Variants in ZNF484 observed in about 807,000 individuals in gnomAD.
ZNF484 encodes the protein zinc finger protein 484, also known as KRAB box containing C2H2 type zinc finger bA526D8.4.
ZNF484 carries 11 observed loss-of-function variants against 12.9 expected under a neutral mutation model. The ratio of observed to expected loss-of-function variants is 0.85; its 90% CI spans 0.54 to 1.41. The LOEUF (loss-of-function observed/expected upper bound fraction) is 1.41, where lower values mean the gene tolerates loss of function less well. Among genes scored for constraint, ZNF484 ranks in the 40% most tolerant of loss-of-function variants. The pLI is 0.00. For missense variants in ZNF484, 807 were observed against 1,007.7 expected (o/e 0.80, Z 2.70); for synonymous variants, 289 against 334.1 (o/e 0.86, Z 1.47).
chr9:92,852,826 T>G (rs1856190835), intron 4 of ZNF484, among the ~76,000 whole-genome samples: 1 of 152,152 alleles, frequency 6.6e-6, no homozygotes, highest in Non-Finnish European at 1.5e-5. Context: ...CGTGAGCCAC[T>G]GTGCCCAGCC....
intron 4 of ZNF484, among the ~76,000 whole-genome samples, chr9:92,855,236 C>T (rs752006817): frequency 2.6e-5 from 4 of 152,006 alleles, no homozygotes; most frequent in Non-Finnish European, 5.9e-5. Flanking sequence ...GTCAGTGTTG[C>T]GTTGCACTAG....
chr9:92,848,523 T>C lies in ZNF484; in HGVS notation c.264A>G (p.Gln88=), dbSNP rs1855848735. 6.2e-7 allele frequency: 1 copy of C among 1,602,332 alleles called. No homozygotes were observed. The highest frequency in any genetic ancestry group is 1.1e-5 in the South Asian group (1 of 88,916). ...AAGAAACTTCTTCAGACATCCTCTG[T>C]TGTAAAGGTCCAAAACCAATGTCCC... ...PDGDIGFGPL[Q]QRMSEEVSFQ... is the part of the protein sequence containing the mutation. The change falls in exon 5 of 5, where the codon CAA becomes CAG. Residue 88 remains glutamine (Q), a synonymous_variant. Coordinates refer to ENST00000375495, the MANE Select transcript of ZNF484 (RefSeq NM_031486.4). This position sits in a 1 kb window ranked among gnomAD's most constrained non-coding sequence, Gnocchi z 4.1.
intron 2 of ZNF484, among the ~76,000 whole-genome samples, chr9:92,874,380 C>A (rs1857661088): frequency 6.6e-6 from 1 of 150,658 alleles, no homozygotes. Context: ...GGCGCAATCT[C>A]GGCTTACTGC....
chr9:92,853,171 C>G (rs1476320031), intron 4 of ZNF484, among the ~76,000 whole-genome samples: 1 of 152,104 alleles, frequency 6.6e-6, no homozygotes, highest in Non-Finnish European at 1.5e-5. Context: ...TTATCACATA[C>G]AAATAGGATT....
intron 2 of ZNF484, among the ~76,000 whole-genome samples, chr9:92,857,953 T>C (rs186383549): frequency 5.9e-5 from 9 of 152,282 alleles, no homozygotes; most frequent in Admixed American, 5.9e-4. Flanking sequence ...AGATGGGTTT[T>C]GCCATGTTGC....
Position 92,876,512 on chromosome 9 carries a change from G to A in ZNF484, c.-31+1378C>T, listed in dbSNP as rs578131823. 7.2e-5 allele frequency among the ~76,000 whole-genome samples: 11 copies of A among 152,184 alleles called. No individual in the cohort carries two copies. The South Asian group carries it at 1.7e-3, about 23-fold the overall frequency. ...AATAGGATACAAAATAAAGCTCTGG[G>A]CAAAGACATCATCCAAATGCAATGA... is the stretch of plus-strand genomic sequence containing the variant. On this transcript the variant is annotated intron_variant, in intron 1 of 4. Transcript: ENST00000375495.
In ZNF484 at chr9:92,877,397, A is replaced by G. The variant is rs187828761; in HGVS notation, c.-31+493T>C. Among the ~76,000 whole-genome samples, 8 of 152,264 alleles carry G rather than the reference A, an allele frequency of 5.3e-5. No homozygotes were observed. In the East Asian group the frequency reaches 1.5e-3, roughly 29 times the overall value. The stretch of plus-strand genomic sequence containing the variant: ...AGAATGAATGATATATAAATATAAT[A>G]ACCGTAATGATAAAGGAGCTACTAG... On this transcript the variant is annotated intron_variant, in intron 1 of 4. Transcript: ENST00000375495.
At chr9:92,852,440 C>T (rs1241689037) in intron 4 of ZNF484, among the ~76,000 whole-genome samples, 2 of 151,980 alleles carry the variant, frequency 1.3e-5, no homozygotes, top group South Asian at 4.1e-4. Flanking sequence ...ACTACAGGCG[C>T]CTGCCACTAT....
chr9:92,865,475 C>T (rs781252395), intron 2 of ZNF484, among the ~76,000 whole-genome samples: 3 of 152,148 alleles, frequency 2.0e-5, no homozygotes, highest in Admixed American at 6.5e-5. Flanking sequence ...CTGCAAACTC[C>T]CAAGATGGCT....
intron 2 of ZNF484, among the ~76,000 whole-genome samples, chr9:92,856,738 T>C (rs1048136962): frequency 2.0e-5 from 3 of 152,228 alleles, no homozygotes; most frequent in African/African-American, 2.4e-5. Flanking sequence ...CACTTTTTTT[T>C]TGAGACAGAG....
chr9:92,860,659 A>C (rs1856735675), intron 2 of ZNF484, among the ~76,000 whole-genome samples: 1 of 151,364 alleles, frequency 6.6e-6, no homozygotes, highest in Non-Finnish European at 1.5e-5. Context: ...AGTATACTTG[A>C]GGTGAAAACT....
chr9:92,864,184 G>A (rs79764032), intron 2 of ZNF484, among the ~76,000 whole-genome samples: 1 of 152,228 alleles, frequency 6.6e-6, no homozygotes, highest in East Asian at 1.9e-4. Context: ...ATTCTTAGCT[G>A]GCTACTCTGA....
chr9:92,869,226 G>A (rs1857286102), intron 2 of ZNF484, among the ~76,000 whole-genome samples: 2 of 151,998 alleles, frequency 1.3e-5, no homozygotes, highest in South Asian at 4.1e-4. Context: ...ATATACCTGG[G>A]AAGACTAGCG....
intron 2 of ZNF484, among the ~76,000 whole-genome samples, chr9:92,870,376 A>C (rs1460275496): frequency 1.3e-5 from 2 of 152,262 alleles, no homozygotes; most frequent in African/African-American, 4.8e-5. Context: ...AACCTACTCC[A>C]ACCAAATACC....
At chr9:92,859,767 G>T in intron 2 of ZNF484, among the ~76,000 whole-genome samples, 1 of 152,252 alleles carries the variant, frequency 6.6e-6, no homozygotes, top group Admixed American at 6.5e-5. Flanking sequence ...AATTAGAAAA[G>T]CCATAATACT....
intron 4 of ZNF484, among the ~76,000 whole-genome samples, chr9:92,853,198 G>A (rs1856215404): frequency 6.6e-6 from 1 of 152,224 alleles, no homozygotes; most frequent in Non-Finnish European, 1.5e-5. Flanking sequence ...ATCTAGGCAT[G>A]AGAAAACACA....
At position 92,875,078 on chromosome 9, in the gene ZNF484, A is replaced by T. The variant is rs566880522; in HGVS notation, c.-30-19T>A. The T allele has an allele frequency of 6.2e-7, 1 of 1,612,802 alleles. No individual in the cohort carries two copies. The highest frequency in any genetic ancestry group is 2.2e-5 in the East Asian group (1 of 44,824). ...CAGAAATCTGAGAAAACAGATGGGT[A>T]GAGGTACCCATGAGAGAAGGAACTG... On this transcript the variant is annotated intron_variant, in intron 1 of 4. Coordinates refer to ENST00000375495, the MANE Select transcript of ZNF484 (RefSeq NM_031486.4).
rs773332989 is a variant in ZNF484 at position 92,856,338 on chromosome 9, A to C, written c.16-20T>G. On this transcript the variant is annotated intron_variant, in intron 2 of 4. Transcript: ENST00000375495. Reference sequence around the variant, plus strand: ...TGATTCCTGTTAAAAAAAAAAAACAAACTTTAAAATAATTTTTTAAAGAAT... The same window carrying C: ...TGATTCCTGTTAAAAAAAAAAAACACACTTTAAAATAATTTTTTAAAGAAT... 7 of 1,526,088 alleles carry C rather than the reference A, an allele frequency of 4.6e-6. No individual in the cohort carries two copies. In the African/African-American group the frequency reaches 9.8e-5, roughly 21 times the overall value. 94.5% of individuals were successfully genotyped at this position (1,526,088 alleles called of 1,614,324 possible). A position where few individuals can be genotyped will look rare whatever the true frequency, so the allele number is the denominator to read the frequency against.
At chr9:92,850,549 T>A (rs1231099063) in intron 4 of ZNF484, among the ~76,000 whole-genome samples, 1 of 152,184 alleles carries the variant, frequency 6.6e-6, no homozygotes, top group Non-Finnish European at 1.5e-5. Context: ...TTATCTGTGT[T>A]TTCCTTGAAT....
Sources: gnomAD v4.1 joint callset for allele counts (sites outside exome capture counted in the v4.1 genomes callset) on GRCh38, gnomAD v4.1.1 for gene constraint, Gnocchi (gnomAD v3.1) non-coding constraint, MANE v1.5 for transcripts, NCBI Gene and HGNC (gene_info 2026-07-23, HGNC 2026-07-21) for gene names.